Variants in KANSL1 observed in about 807,000 individuals in gnomAD.
The protein encoded by KANSL1 is KAT8 regulatory NSL complex subunit 1, also known as MLL1/MLL complex subunit KANSL1.
A neutral mutation model predicts 103.6 loss-of-function variants in KANSL1; 22 were observed. The observed-to-expected ratio is 0.21, with a 90% CI of 0.15 to 0.30. KANSL1 has a LOEUF of 0.30. Among genes scored for constraint, KANSL1 ranks in the 10% least tolerant of loss-of-function variants. The pLI is 1.00. For synonymous variants in KANSL1, 600 were observed against 527.6 expected (o/e 1.14, Z -1.88); for missense variants, 1,337 against 1,399.8 (o/e 0.96, Z 0.72).
At chr17:46,175,595 T>C (rs1056408076) in intron 1 of KANSL1, among the ~76,000 whole-genome samples, 6 of 152,120 alleles carry the variant, frequency 3.9e-5, no homozygotes, top group Non-Finnish European at 7.3e-5. Flanking sequence ...GGTGATCCGC[T>C]TGCCTCAGCA....
chr17:46,186,995 G>A (rs1251378974), intron 1 of KANSL1, among the ~76,000 whole-genome samples: 4 of 152,116 alleles, frequency 2.6e-5, no homozygotes, highest in East Asian at 1.9e-4. Context: ...GCCTCCCAAG[G>A]TGCTGGGATT....
intron 2 of KANSL1, among the ~76,000 whole-genome samples, chr17:46,105,111 C>G (rs763575617): frequency 2.0e-5 from 3 of 152,160 alleles, no homozygotes; most frequent in Non-Finnish European, 4.4e-5. Flanking sequence ...CCGCACATGG[C>G]CTACTGTGTC....
chr17:46,128,933 C>A (rs905719585), intron 2 of KANSL1, among the ~76,000 whole-genome samples: 1 of 152,130 alleles, frequency 6.6e-6, no homozygotes, highest in Non-Finnish European at 1.5e-5. Context: ...AGCAAGGAGG[C>A]CAACTGGGAG....
intron 2 of KANSL1, among the ~76,000 whole-genome samples, chr17:46,154,408 T>C (rs1465894130): frequency 2.6e-5 from 4 of 152,166 alleles, no homozygotes; most frequent in Non-Finnish European, 5.9e-5. Flanking sequence ...GCTTCCCGAG[T>C]AGCTGGGACT....
chr17:46,067,541 A>C lies in KANSL1; in HGVS notation c.1652+8T>G, dbSNP rs587771660. On this transcript the variant is annotated splice_region_variant and intron_variant, in intron 5 of 14. Transcript: ENST00000432791. ...CTAAGTGTAGGAAGTAGAAGAGCTA[A>C]AACTTACGTGTTAATAACTCCATTG... 1.1e-5 allele frequency: 16 copies of C among 1,522,938 alleles called. No individual in the cohort carries two copies. The African/African-American group carries it at 2.1e-4, about 20-fold the overall frequency. 94.3% of individuals were successfully genotyped at this position (1,522,938 alleles called of 1,614,324 possible).
chr17:46,166,177 TA>T (rs113954222), intron 2 of KANSL1, among the ~76,000 whole-genome samples: 21,588 of 141,598 alleles, frequency 0.15, 2,116 homozygotes, highest in Middle Eastern at 0.26. Flanking sequence ...CATGCCACTG[TA>T]ACTCTAGCCT....
At chr17:46,041,633 A>G (rs41382552) in intron 7 of KANSL1, 21,792 of 152,130 alleles carry the variant, frequency 0.14, 2,128 homozygotes, top group Non-Finnish European at 0.22. Context: ...GCTATTCCAA[A>G]ATGAGTCCAA....
intron 2 of KANSL1, among the ~76,000 whole-genome samples, chr17:46,167,671 C>T (rs1331831783): frequency 1.3e-5 from 2 of 152,126 alleles, no homozygotes; most frequent in Non-Finnish European, 2.9e-5. Flanking sequence ...ATCAGTCAAC[C>T]ATAAAAATTA....
chr17:46,186,716 A>C (rs772477056), intron 1 of KANSL1, among the ~76,000 whole-genome samples: 1 of 152,204 alleles, frequency 6.6e-6, no homozygotes, highest in Non-Finnish European at 1.5e-5. Flanking sequence ...AGTTCAACTT[A>C]TCAGACTGGT....
At chr17:46,125,830 A>C (rs2043528910) in intron 2 of KANSL1, among the ~76,000 whole-genome samples, 1 of 152,194 alleles carries the variant, frequency 6.6e-6, no homozygotes, top group African/African-American at 2.4e-5. Context: ...AAAACCCCAA[A>C]AGGACAGAAA....
chr17:46,077,593 T>C (rs1217584378), intron 4 of KANSL1, among the ~76,000 whole-genome samples: 1 of 152,236 alleles, frequency 6.6e-6, no homozygotes, highest in Admixed American at 6.5e-5. Flanking sequence ...AGTCTCACTC[T>C]GTTGCCCAGG....
chr17:46,142,587 C>A (rs1039793480), intron 2 of KANSL1, among the ~76,000 whole-genome samples: 4 of 152,226 alleles, frequency 2.6e-5, no homozygotes, highest in Non-Finnish European at 5.9e-5. Flanking sequence ...CTAGCCTGGG[C>A]AACAGAGCAA....
rs531924741 is a variant in KANSL1 at position 46,218,919 on chromosome 17, T to C, written c.-90+4752A>G. ...TTATTTCCAGTATGAAGGAGGAACC[T>C]GAATCTCAGAGAGATTAAGAAAATC... On this transcript the variant is annotated intron_variant, in intron 1 of 14. Coordinates refer to the KANSL1 transcript ENST00000572904. 5.6e-4 allele frequency among the ~76,000 whole-genome samples: 85 copies of C among 152,346 alleles called. 1 individual carries two copies. The highest frequency in any genetic ancestry group is 2.0e-3 in the African/African-American group (83 of 41,576).
chr17:46,217,851 C>T (rs533349401), intron 1 of KANSL1, among the ~76,000 whole-genome samples: 49 of 152,296 alleles, frequency 3.2e-4, no homozygotes, highest in African/African-American at 1.2e-3. Flanking sequence ...ATGGTGAAAC[C>T]CTGTTTCTAC....
intron 6 of KANSL1, among the ~76,000 whole-genome samples, chr17:46,057,979 G>T (rs2077992471): frequency 6.6e-6 from 1 of 152,198 alleles, no homozygotes; most frequent in African/African-American, 2.4e-5. Context: ...CTCTAAGACT[G>T]CCCTGGTTTT....
At chr17:46,146,688 C>G (rs933545592) in intron 2 of KANSL1, among the ~76,000 whole-genome samples, 3 of 144,406 alleles carry the variant, frequency 2.1e-5, no homozygotes, top group Admixed American at 1.4e-4. Context: ...AAAAAATTAG[C>G]CGGGCGTAGT....
At chr17:46,077,249 C>T (rs893179836) in intron 4 of KANSL1, among the ~76,000 whole-genome samples, 3 of 152,148 alleles carry the variant, frequency 2.0e-5, no homozygotes, top group Non-Finnish European at 2.9e-5. Context: ...GATGGGGTTT[C>T]GTCAGGTTGC....
intron 3 of KANSL1, among the ~76,000 whole-genome samples, chr17:46,086,029 A>G (rs1358684829): frequency 1.3e-5 from 2 of 152,260 alleles, no homozygotes; most frequent in African/African-American, 4.8e-5. Flanking sequence ...AAGAAAATAA[A>G]TGCATAGCAA....
chr17:46,221,973 T>C (rs554695015), intron 1 of KANSL1: 48 of 152,344 alleles, frequency 3.2e-4, no homozygotes, highest in African/African-American at 1.1e-3. Flanking sequence ...GACCTTTTTT[T>C]CTGACCAGAC....
Sources: allele counts gnomAD v4.1 joint callset (sites outside exome capture counted in the v4.1 genomes callset), GRCh38; gene constraint gnomAD v4.1.1; transcripts MANE v1.5; gene names NCBI Gene and HGNC (gene_info 2026-07-23, HGNC 2026-07-21).